MTMR2: variants seen among roughly 807,000 people sequenced by gnomAD.
MTMR2 encodes phosphatidylinositol-3,5-bisphosphate 3-phosphatase MTMR2.
MTMR2 carries 55 observed loss-of-function variants against 86.9 expected under a neutral mutation model. The ratio of observed to expected loss-of-function variants is 0.63; its 90% confidence interval spans 0.51 to 0.79. The LOEUF (loss-of-function observed/expected upper bound fraction) is 0.79. Among genes scored for constraint, MTMR2 ranks in the 30% least tolerant of loss-of-function variants. The probability of loss-of-function intolerance (pLI) is 0.00; values close to 1 mark genes in which losing one functional copy is unlikely to be tolerated. For synonymous variants in MTMR2, 241 were observed against 266.8 expected (o/e 0.90, Z 0.94); for missense variants, 659 against 772.3 (o/e 0.85, Z 1.74).
intron 12 of MTMR2, among the ~76,000 whole-genome samples, chr11:95,841,079 AT>A (rs1863524656): frequency 6.6e-6 from 1 of 152,284 alleles, no homozygotes; most frequent in African/African-American, 2.4e-5. Context: ...TTATATTAAT[AT>A]TTCAAATAAA....
chr11:95,846,774 A>G (rs546809), intron 10 of MTMR2, among the ~76,000 whole-genome samples: 42,763 of 152,116 alleles, frequency 0.28, 7,151 homozygotes, highest in Non-Finnish European at 0.38. Flanking sequence ...ATATTTACAC[A>G]TCACATAATT....
At chr11:95,899,271 G>A (rs907277757) in intron 1 of MTMR2, among the ~76,000 whole-genome samples, 2 of 152,172 alleles carry the variant, frequency 1.3e-5, no homozygotes, top group Admixed American at 1.3e-4. Context: ...TGAAAACAAG[G>A]GAGAAGGAAG....
intron 1 of MTMR2, among the ~76,000 whole-genome samples, chr11:95,917,649 T>C (rs143556767): frequency 2.7e-4 from 41 of 152,180 alleles, no homozygotes; most frequent in African/African-American, 8.7e-4. Context: ...TATTTCAGGC[T>C]GCACGCCAAT....
rs973330345 is a variant in MTMR2 at position 95,842,126 on chromosome 11, G to C, written c.1387-417C>G. ...AAATTTTCAGAAAGTCTTTTAAAGAGCATTGCAAAGTAAGTAAAAAATCAC... is the reference window on the plus strand; with the variant it reads ...AAATTTTCAGAAAGTCTTTTAAAGACCATTGCAAAGTAAGTAAAAAATCAC... On this transcript the variant is annotated intron_variant, in intron 11 of 14. Coordinates refer to ENST00000346299, the MANE Select transcript of MTMR2 (RefSeq NM_016156.6). Among the ~76,000 whole-genome samples the C allele has an allele frequency of 5.5e-4, 84 of 152,136 alleles. 1 individual carries two copies. Among genetic ancestry groups the C allele is most frequent in the African/African-American group, 1.9e-3 (80 of 41,428 alleles).
In MTMR2 at chr11:95,889,516, G is replaced by T. The variant is rs956586797; in HGVS notation, c.81-1255C>A. Among the ~76,000 whole-genome samples the T allele has an allele frequency of 7.6e-4, 100 of 131,128 alleles. No individual in the cohort carries two copies. The Middle Eastern group carries it at 0.015, about 20-fold the overall frequency. 86.0% of individuals were successfully genotyped at this position (131,128 alleles called of 152,430 possible). ...CAAGAACAAAAATTATGTCTTTTTTGGGGGGGGAGGGGGGCGGGGGAGAAA... is the reference window on the plus strand; with the variant it reads ...CAAGAACAAAAATTATGTCTTTTTTTGGGGGGGAGGGGGGCGGGGGAGAAA... On this transcript the variant is annotated intron_variant, in intron 1 of 14. Transcript: ENST00000346299.
chr11:95,882,217 G>C (rs1865349986), intron 2 of MTMR2, among the ~76,000 whole-genome samples: 1 of 151,368 alleles, frequency 6.6e-6, no homozygotes, highest in Admixed American at 6.6e-5. Flanking sequence ...AATCCAATTG[G>C]CCAGGCGCGG....
chr11:95,842,854 G>A, intron 11 of MTMR2, among the ~76,000 whole-genome samples: 1 of 152,122 alleles, frequency 6.6e-6, no homozygotes, highest in East Asian at 1.9e-4. Flanking sequence ...AAGAAAAAAA[G>A]TCCATTTCTC....
intron 1 of MTMR2, among the ~76,000 whole-genome samples, chr11:95,913,914 A>G (rs1273140602): frequency 6.6e-6 from 1 of 152,154 alleles, no homozygotes; most frequent in South Asian, 2.1e-4. Flanking sequence ...CTTAGTATCT[A>G]TAACATTTTG....
intron 2 of MTMR2, among the ~76,000 whole-genome samples, chr11:95,879,715 AC>A (rs964906680): frequency 1.3e-5 from 2 of 152,090 alleles, no homozygotes; most frequent in Non-Finnish European, 2.9e-5. Context: ...ATGGAGATGC[AC>A]CATTCATTTC....
At chr11:95,919,552 C>T (rs1177472414) in intron 1 of MTMR2, among the ~76,000 whole-genome samples, 2 of 152,126 alleles carry the variant, frequency 1.3e-5, no homozygotes, top group Non-Finnish European at 2.9e-5. Flanking sequence ...AAACGACTAA[C>T]AACACAAGTT....
At chr11:95,848,182 A>C (rs1863876710) in intron 9 of MTMR2, among the ~76,000 whole-genome samples, 1 of 152,184 alleles carries the variant, frequency 6.6e-6, no homozygotes, top group Non-Finnish European at 1.5e-5. Flanking sequence ...GTAAAGCACT[A>C]AATTTTCCCA....
intron 1 of MTMR2, among the ~76,000 whole-genome samples, chr11:95,914,069 A>G (rs1376512116): frequency 2.6e-5 from 4 of 152,158 alleles, no homozygotes; most frequent in Non-Finnish European, 5.9e-5. Context: ...GCTTTCCCCA[A>G]GTAGAAGAGA....
At chr11:95,856,773 G>A (rs1367616000) in intron 7 of MTMR2, among the ~76,000 whole-genome samples, 1 of 151,768 alleles carries the variant, frequency 6.6e-6, no homozygotes, top group Non-Finnish European at 1.5e-5. Context: ...AATGCTCCTG[G>A]GACAGCAATT....
At chr11:95,882,444 G>A (rs1865361407) in intron 2 of MTMR2, 1 of 151,954 alleles carries the variant, frequency 6.6e-6, no homozygotes, top group Non-Finnish European at 1.5e-5. Flanking sequence ...GGTTGCAAAT[G>A]AGCCGAGATG....
At chr11:95,870,998 G>A (rs181816877) in intron 2 of MTMR2, among the ~76,000 whole-genome samples, 2 of 149,954 alleles carry the variant, frequency 1.3e-5, no homozygotes, top group African/African-American at 4.9e-5. Context: ...TTGGTGTTTT[G>A]TCCTTGTGAT....
chr11:95,912,753 A>T (rs943866295), intron 1 of MTMR2, among the ~76,000 whole-genome samples: 3 of 152,130 alleles, frequency 2.0e-5, no homozygotes, highest in African/African-American at 7.2e-5. Flanking sequence ...CAATAAAATT[A>T]TTTCAATTAT....
intron 7 of MTMR2, among the ~76,000 whole-genome samples, chr11:95,851,167 A>C (rs1565352414): frequency 1.4e-5 from 2 of 143,670 alleles, no homozygotes; most frequent in African/African-American, 2.6e-5. Flanking sequence ...GGTTCAAGTG[A>C]ATCTCCTGCC....
chr11:95,923,144 C>T (rs1448575048), intron 1 of MTMR2, among the ~76,000 whole-genome samples: 1 of 152,126 alleles, frequency 6.6e-6, no homozygotes, highest in Non-Finnish European at 1.5e-5. Context: ...CCTCAAAATT[C>T]CAGGATAAAA....
rs766963959 is a variant in MTMR2, at chr11:95,865,581, CA to C, written c.262+19del. 3.9e-5 allele frequency: 62 copies of C among 1,585,416 alleles called. No homozygotes were observed. In the South Asian group the frequency reaches 5.9e-4, roughly 15 times the overall value. On this transcript the variant is annotated intron_variant, in intron 3 of 14. Coordinates refer to ENST00000346299, the MANE Select transcript of MTMR2 (RefSeq NM_016156.6). ...CAGTAGAACGGAGAAGGACATTAAG[CA>C]AAAAATACCATTACGGACCCATGTC... is the stretch of plus-strand genomic sequence containing the variant.
Sources: gnomAD v4.1 joint callset for allele counts (sites outside exome capture counted in the v4.1 genomes callset) on GRCh38, gnomAD v4.1.1 for gene constraint, MANE v1.5 for transcripts, NCBI Gene and HGNC (gene_info 2026-07-23, HGNC 2026-07-21) for gene names.